Variants in GLI3 observed in about 807,000 individuals in gnomAD.
GLI3 encodes transcription activator GLI3.
A neutral mutation model predicts 100.8 loss-of-function variants in GLI3; 20 were observed. The observed-to-expected ratio is 0.20, with a 90% CI of 0.14 to 0.29. GLI3 has a LOEUF of 0.29. GLI3 is among the 10% of genes least tolerant of loss of function. The probability of loss-of-function intolerance (pLI) is 1.00; values close to 1 mark genes in which losing one functional copy is unlikely to be tolerated. For missense variants in GLI3, 2,040 were observed against 2,128.5 expected (o/e 0.96, Z 0.82); for synonymous variants, 938 against 860.5 (o/e 1.09, Z -1.58).
chr7:42,098,875 T>C (rs1285781628), intron 3 of GLI3, among the ~76,000 whole-genome samples: 1 of 152,160 alleles, frequency 6.6e-6, no homozygotes, highest in African/African-American at 2.4e-5. Flanking sequence ...CCAATTCCTA[T>C]TTATTCTCTC....
At chr7:42,177,408 C>T (rs1344086277) in intron 2 of GLI3, among the ~76,000 whole-genome samples, 1 of 152,078 alleles carries the variant, frequency 6.6e-6, no homozygotes, top group Non-Finnish European at 1.5e-5. Flanking sequence ...CTGAAAAGGT[C>T]ATATAAGGGC....
At chr7:42,214,797 T>A (rs1347059106) in intron 2 of GLI3, among the ~76,000 whole-genome samples, 1 of 151,334 alleles carries the variant, frequency 6.6e-6, no homozygotes, top group African/African-American at 2.4e-5. Context: ...TTAATATGGC[T>A]GTCTTGTAGT....
chr7:42,097,056 T>A (rs779515942), intron 3 of GLI3, among the ~76,000 whole-genome samples: 9 of 152,078 alleles, frequency 5.9e-5, no homozygotes, highest in Non-Finnish European at 1.3e-4. Context: ...AGACTAGGCA[T>A]GCAGTGGGAA....
chr7:41,981,742 A>T (rs1409698227), intron 10 of GLI3, among the ~76,000 whole-genome samples: 1 of 152,228 alleles, frequency 6.6e-6, no homozygotes, highest in African/African-American at 2.4e-5. Context: ...TGGACACTTT[A>T]GTTATCCAAA....
intron 10 of GLI3, among the ~76,000 whole-genome samples, chr7:42,006,955 G>A (rs1788475029): frequency 6.6e-6 from 1 of 152,108 alleles, no homozygotes; most frequent in Non-Finnish European, 1.5e-5. Context: ...AGTGATAACA[G>A]GGTTGGGTCA....
Position 41,972,261 on chromosome 7 carries a change from C to T in GLI3, c.2103+76G>A, listed in dbSNP as rs1409896995. On this transcript the variant is annotated intron_variant, in intron 13 of 14. Coordinates refer to ENST00000395925, the MANE Select transcript of GLI3 (RefSeq NM_000168.6). The surrounding 1 kb of genome is among the most constrained non-coding windows in gnomAD (Gnocchi z 4.4). Reference sequence around the variant, plus strand: ...CCTGACACAGTGAGGACCGGGAAGTCCTGTCCCTCTATGCACCCTACCTGG... The same window carrying T: ...CCTGACACAGTGAGGACCGGGAAGTTCTGTCCCTCTATGCACCCTACCTGG... 7.3e-7 allele frequency: 1 copy of T among 1,372,928 alleles called. No individual in the cohort carries two copies. The highest frequency in any genetic ancestry group is 1.0e-6 in the Non-Finnish European group (1 of 961,992). 85.0% of individuals were successfully genotyped at this position (1,372,928 alleles called of 1,614,324 possible). A position where few individuals can be genotyped will look rare whatever the true frequency, so the allele number is the denominator to read the frequency against.
At chr7:42,114,399 T>C (rs923372803) in intron 3 of GLI3, among the ~76,000 whole-genome samples, 21 of 151,864 alleles carry the variant, frequency 1.4e-4, no homozygotes, top group Admixed American at 6.6e-5. Context: ...TGATTGCTTA[T>C]GGAACATATC....
At chr7:42,262,003 T>TCTTTCCTTCCTCTCTCTCTC in intron 1 of GLI3, among the ~76,000 whole-genome samples, 1 of 143,204 alleles carries the variant, frequency 7.0e-6, no homozygotes, top group Non-Finnish European at 1.5e-5. Context: ...TTTCTTTCTT[T>TCTTTCCTTCCTCTCTCTCTC]TCTTTCTTTC....
At chr7:42,080,799 A>G (rs1235404055) in intron 3 of GLI3, among the ~76,000 whole-genome samples, 2 of 152,122 alleles carry the variant, frequency 1.3e-5, no homozygotes, top group African/African-American at 4.8e-5. Flanking sequence ...TGTCGTTTCT[A>G]TGTGGCTCAG....
intron 7 of GLI3, among the ~76,000 whole-genome samples, chr7:42,033,601 C>G (rs1266289101): frequency 6.6e-6 from 1 of 152,170 alleles, no homozygotes; most frequent in Non-Finnish European, 1.5e-5. Context: ...GGGAGAGAGA[C>G]ACATTCAAAG....
intron 1 of GLI3, among the ~76,000 whole-genome samples, chr7:42,251,057 T>G (rs527344031): frequency 9.2e-5 from 14 of 152,256 alleles, no homozygotes; most frequent in Non-Finnish European, 1.8e-4. Flanking sequence ...CCCAGAAAGC[T>G]TATGCTAATG....
At chr7:42,240,108 A>G (rs1788909468), upstream of GLI3, among the ~76,000 whole-genome samples, 3 of 152,188 alleles carry the variant, frequency 2.0e-5, no homozygotes, top group Admixed American at 2.0e-4. Flanking sequence ...ACAATGCTAC[A>G]ACCTTTGTTT....
intron 2 of GLI3, among the ~76,000 whole-genome samples, chr7:42,162,907 G>A (rs1439439750): frequency 6.7e-6 from 1 of 148,154 alleles, no homozygotes; most frequent in Non-Finnish European, 1.5e-5. Flanking sequence ...CCCTTTCTAT[G>A]CATTACTGTC....
chr7:42,051,757 C>T (rs1043408405), intron 4 of GLI3, among the ~76,000 whole-genome samples: 1 of 152,140 alleles, frequency 6.6e-6, no homozygotes. Context: ...CCCCCACCCC[C>T]AGCCTCTACA....
intron 4 of GLI3, among the ~76,000 whole-genome samples, chr7:42,053,225 G>C (rs896037421): frequency 1.3e-5 from 2 of 152,228 alleles, no homozygotes; most frequent in African/African-American, 2.4e-5. Context: ...TTGAACTCCT[G>C]ATCTCAGATG....
intron 4 of GLI3, among the ~76,000 whole-genome samples, chr7:42,074,288 A>G (rs1442944810): frequency 6.6e-6 from 1 of 152,184 alleles, no homozygotes; most frequent in Non-Finnish European, 1.5e-5. Context: ...GCCAGAGTGC[A>G]CAGCACAAGT....
chr7:42,055,080 TATATATAC>T (rs1215614921), intron 4 of GLI3, among the ~76,000 whole-genome samples: 5 of 136,678 alleles, frequency 3.7e-5, no homozygotes, highest in African/African-American at 1.3e-4. Flanking sequence ...CATATATATG[TATATATAC>T]ATATATACAC....
At chr7:42,128,018 C>CAAA (rs762509904) in intron 3 of GLI3, among the ~76,000 whole-genome samples, 4 of 85,012 alleles carry the variant, frequency 4.7e-5, no homozygotes, top group Admixed American at 1.3e-4. Context: ...GACCCTGACT[C>CAAA]AAAAAAAAAA....
chr7:42,119,215 C>G (rs1218654138), intron 3 of GLI3, among the ~76,000 whole-genome samples: 1 of 152,212 alleles, frequency 6.6e-6, no homozygotes, highest in Non-Finnish European at 1.5e-5. Flanking sequence ...TGTCCTGTGT[C>G]TACATTTCTA....
Sources: gnomAD v4.1 joint callset for allele counts (sites outside exome capture counted in the v4.1 genomes callset) on GRCh38, gnomAD v4.1.1 for gene constraint, Gnocchi (gnomAD v3.1) non-coding constraint, MANE v1.5 for transcripts, NCBI Gene and HGNC (gene_info 2026-07-23, HGNC 2026-07-21) for gene names.